The following SIAH3 variants were observed in gnomAD, a reference collection of about 807,000 sequenced individuals.
SIAH3 encodes the protein siah E3 ubiquitin protein ligase family member 3, also known as seven in absentia homolog 3.
A neutral mutation model predicts 12.6 loss-of-function variants in SIAH3; 9 were observed. The observed-to-expected ratio is 0.72, with a 90% CI of 0.43 to 1.25. The LOEUF (loss-of-function observed/expected upper bound fraction) is 1.25, where lower values mean the gene tolerates loss of function less well. SIAH3 is among the 50% of genes most tolerant of loss of function. The pLI, the probability that SIAH3 is intolerant of heterozygous loss-of-function variation, is 0.00. For synonymous variants in SIAH3, 154 were observed against 151.1 expected (o/e 1.02, Z -0.14); for missense variants, 390 against 365.4 (o/e 1.07, Z -0.55).
intron 1 of SIAH3, among the ~76,000 whole-genome samples, chr13:45,788,159 T>G (rs1950534229): frequency 6.6e-6 from 1 of 152,246 alleles, no homozygotes; most frequent in Non-Finnish European, 1.5e-5. Flanking sequence ...TATTTCTTCC[T>G]GCTCCATCTT....
At chr13:45,830,581 T>C (rs1202973643) in intron 1 of SIAH3, among the ~76,000 whole-genome samples, 7 of 152,204 alleles carry the variant, frequency 4.6e-5, no homozygotes, top group Admixed American at 3.3e-4. Flanking sequence ...GCAACTTGCT[T>C]CATTCCCAAA....
chr13:45,787,851 C>G (rs1216299267), intron 1 of SIAH3, among the ~76,000 whole-genome samples: 2 of 152,212 alleles, frequency 1.3e-5, no homozygotes, highest in Non-Finnish European at 2.9e-5. Flanking sequence ...AGCAGCACAG[C>G]CTGCTCTAAG....
chr13:45,840,992 A>G (rs1950738008), intron 1 of SIAH3, among the ~76,000 whole-genome samples: 1 of 152,234 alleles, frequency 6.6e-6, no homozygotes, highest in Admixed American at 6.5e-5. Context: ...TTAGCACTTA[A>G]CATAGTTCCT....
intron 1 of SIAH3, among the ~76,000 whole-genome samples, chr13:45,836,532 C>T (rs986005490): frequency 3.9e-5 from 6 of 152,166 alleles, no homozygotes; most frequent in African/African-American, 1.4e-4. Flanking sequence ...AAACCAAATA[C>T]AGCATGTTTT....
chr13:45,809,909 CAAAGCA>C (rs758372420), intron 1 of SIAH3, among the ~76,000 whole-genome samples: 25 of 152,156 alleles, frequency 1.6e-4, no homozygotes, highest in Non-Finnish European at 3.1e-4. Flanking sequence ...ACAAAATGAA[CAAAGCA>C]AAAGCAAAAG....
rs1384625009 is a variant in SIAH3, at chr13:45,779,695, C to CA, written c.*3687dup. The CA allele has an allele frequency of 6.6e-6, 1 of 152,206 alleles. No individual in the cohort carries two copies. Among genetic ancestry groups the CA allele is most frequent in the Non-Finnish European group, 1.5e-5 (1 of 68,038 alleles). 9.4% of individuals were successfully genotyped at this position (152,206 alleles called of 1,614,324 possible). A position where few individuals can be genotyped will look rare whatever the true frequency, so the allele number is the denominator to read the frequency against. On this transcript the variant is annotated 3_prime_UTR_variant, in exon 2 of 2. Transcript: ENST00000400405. The stretch of plus-strand genomic sequence containing the variant: ...CTTGCTAAGGTTGTTATGGGGATTA[C>CA]ATGATCTACTATATTCAAAGTACGC...
At chr13:45,843,205 C>A (rs1950747110) in intron 1 of SIAH3, among the ~76,000 whole-genome samples, 1 of 152,088 alleles carries the variant, frequency 6.6e-6, no homozygotes, top group Non-Finnish European at 1.5e-5. Flanking sequence ...CATCATCCCC[C>A]TTCTCATCCA....
intron 1 of SIAH3, among the ~76,000 whole-genome samples, chr13:45,836,723 C>T (rs1337810208): frequency 2.6e-5 from 4 of 152,106 alleles, no homozygotes; most frequent in Admixed American, 2.0e-4. Flanking sequence ...ACATGGGACA[C>T]GTTTACCTAT....
chr13:45,785,749 T>C (rs1382364291), intron 1 of SIAH3, among the ~76,000 whole-genome samples: 1 of 152,178 alleles, frequency 6.6e-6, no homozygotes, highest in Non-Finnish European at 1.5e-5. Flanking sequence ...ACAGGGGCTC[T>C]TCCAGTAGCG....
intron 1 of SIAH3, among the ~76,000 whole-genome samples, chr13:45,817,315 G>A (rs1211666376): frequency 1.3e-5 from 2 of 152,216 alleles, no homozygotes; most frequent in African/African-American, 4.8e-5. Context: ...TGTAACCTAG[G>A]AGGAATAGGC....
intron 1 of SIAH3, among the ~76,000 whole-genome samples, chr13:45,817,920 G>A (rs900095769): frequency 3.9e-5 from 6 of 152,170 alleles, no homozygotes; most frequent in Non-Finnish European, 8.8e-5. Context: ...TATGTGTGAG[G>A]AGAGACCACC....
At chr13:45,821,305 T>C (rs987561073) in intron 1 of SIAH3, among the ~76,000 whole-genome samples, 1 of 152,192 alleles carries the variant, frequency 6.6e-6, no homozygotes, top group Non-Finnish European at 1.5e-5. Flanking sequence ...CTGGGACAAA[T>C]TATCCCTCAC....
intron 1 of SIAH3, among the ~76,000 whole-genome samples, chr13:45,784,398 G>GTTTTTTTTT (rs35686357): frequency 3.2e-3 from 208 of 65,564 alleles, no homozygotes; most frequent in Non-Finnish European, 3.7e-3. Flanking sequence ...AAAGACAGCT[G>GTTTTTTTTT]TTTTTTTTTT....
chr13:45,786,520 C>T (rs945710687), intron 1 of SIAH3, among the ~76,000 whole-genome samples: 3 of 149,752 alleles, frequency 2.0e-5, no homozygotes, highest in African/African-American at 7.6e-5. Context: ...GGTCGAAAGA[C>T]TCTAATCTGT....
intron 1 of SIAH3, among the ~76,000 whole-genome samples, chr13:45,813,385 T>C (rs1950622978): frequency 6.6e-6 from 1 of 152,184 alleles, no homozygotes; most frequent in African/African-American, 2.4e-5. Flanking sequence ...GCCCAAGACT[T>C]GGTGTCAGGG....
chr13:45,839,757 G>A (rs187841048), intron 1 of SIAH3, among the ~76,000 whole-genome samples: 2,209 of 152,096 alleles, frequency 0.015, 43 homozygotes, highest in African/African-American at 0.049. Flanking sequence ...GGTTGAACCC[G>A]GGAGGCGGAG....
chr13:45,789,849 A>G (rs565358049), intron 1 of SIAH3, among the ~76,000 whole-genome samples: 6 of 152,314 alleles, frequency 3.9e-5, no homozygotes, highest in African/African-American at 1.4e-4. Flanking sequence ...TAGTACCCAT[A>G]TTTCAGATTC....
chr13:45,796,580 A>G (rs573510604), intron 1 of SIAH3, among the ~76,000 whole-genome samples: 15 of 152,318 alleles, frequency 9.8e-5, no homozygotes, highest in Non-Finnish European at 1.6e-4. Flanking sequence ...ACAGTAGATA[A>G]GTTGCTGAAG....
At chr13:45,846,751 T>G (rs1950761549) in intron 1 of SIAH3, among the ~76,000 whole-genome samples, 1 of 152,210 alleles carries the variant, frequency 6.6e-6, no homozygotes, top group Non-Finnish European at 1.5e-5. Context: ...TCGGGGCTGC[T>G]GGATAAATGC....
Sources: gnomAD v4.1 joint callset for allele counts (sites outside exome capture counted in the v4.1 genomes callset) on GRCh38, gnomAD v4.1.1 for gene constraint, MANE v1.5 for transcripts, NCBI Gene and HGNC (gene_info 2026-07-23, HGNC 2026-07-21) for gene names.